RTTN: variants seen among roughly 807,000 people sequenced by gnomAD.
RTTN encodes the protein rotatin.
A neutral mutation model predicts 269.2 loss-of-function variants in RTTN; 182 were observed. The observed-to-expected ratio is 0.68, with a 90% confidence interval of 0.60 to 0.76. RTTN has a LOEUF of 0.76. Among genes scored for constraint, RTTN ranks in the 30% least tolerant of loss-of-function variants. RTTN has a pLI of 0.00. For synonymous variants in RTTN, 1,006 were observed against 963.5 expected (o/e 1.04, Z -0.82); for missense variants, 2,545 against 2,608.6 (o/e 0.98, Z 0.53).
intron 47 of RTTN, chr18:70,005,562 T>C (rs1174584870): frequency 7.9e-6 from 2 of 252,062 alleles, no homozygotes; most frequent in African/African-American, 2.2e-5. Context: ...AAACTAGTCA[T>C]CCTTGGTTTC....
chr18:70,085,498 T>C (rs1283298419), intron 32 of RTTN, among the ~76,000 whole-genome samples: 1 of 152,170 alleles, frequency 6.6e-6, no homozygotes, highest in Non-Finnish European at 1.5e-5. Context: ...TATAGTCTAA[T>C]TAAAACTTAA....
intron 26 of RTTN, among the ~76,000 whole-genome samples, chr18:70,117,086 T>A (rs1405582308): frequency 6.6e-6 from 1 of 152,026 alleles, no homozygotes; most frequent in African/African-American, 2.4e-5. Flanking sequence ...TGGAAAAAAA[T>A]TTCACAAGAG....
chr18:70,198,670 C>T (rs1169777024), intron 5 of RTTN, among the ~76,000 whole-genome samples: 2 of 152,166 alleles, frequency 1.3e-5, no homozygotes, highest in African/African-American at 2.4e-5. Flanking sequence ...AATCAATTAA[C>T]AGTCATTACA....
intron 10 of RTTN, among the ~76,000 whole-genome samples, chr18:70,183,875 C>T (rs992797721): frequency 1.3e-4 from 20 of 152,188 alleles, no homozygotes; most frequent in African/African-American, 3.9e-4. Context: ...TCGAGTGATC[C>T]TCCTGCCTCA....
Position 70,150,061 on chromosome 18 carries a change from C to T in RTTN, c.2082G>A (p.Leu694=), listed in dbSNP as rs1210162355. ...TCAATCGTCCCTGAAGCAGGTATAA[C>T]AGAATGGCCTTGGCAGCAGTGTTCA... is the stretch of plus-strand genomic sequence containing the variant. ...SEVNTAAKAI[L]LYLLQGRLMM... is the part of the protein sequence containing the mutation. Residue 694 remains leucine (L), a synonymous_variant, in exon 16 of 49, where the codon CTG becomes CTA. Coordinates refer to ENST00000640769, the MANE Select transcript of RTTN (RefSeq NM_173630.4). The T allele has an allele frequency of 6.2e-7, 1 of 1,613,220 alleles. No individual in the cohort carries two copies. Among genetic ancestry groups the T allele is most frequent in the East Asian group, 2.2e-5 (1 of 44,864 alleles).
intron 40 of RTTN, among the ~76,000 whole-genome samples, chr18:70,036,958 G>A (rs1568276822): frequency 6.6e-6 from 1 of 152,202 alleles, no homozygotes; most frequent in African/African-American, 2.4e-5. Context: ...GGTATGGCGA[G>A]CTAACTTGCA....
intron 14 of RTTN, among the ~76,000 whole-genome samples, chr18:70,160,530 A>C (rs2145863444): frequency 6.6e-6 from 1 of 152,042 alleles, no homozygotes; most frequent in South Asian, 2.1e-4. Context: ...AAAGATGCCA[A>C]CTCTCACCAC....
intron 40 of RTTN, among the ~76,000 whole-genome samples, chr18:70,041,291 G>A (rs762503895): frequency 3.5e-4 from 53 of 151,736 alleles, no homozygotes; most frequent in Non-Finnish European, 4.0e-4. Context: ...GGGTTGGGTC[G>A]GAGTTAAGAC....
At chr18:70,150,758 T>G (rs2060516429) in intron 14 of RTTN, 25 bp from the exon 15 acceptor site, 1 of 1,521,460 alleles carries the variant, frequency 6.6e-7, no homozygotes, top group Admixed American at 1.9e-5. Context: ...TAAAAAGTAT[T>G]TTTAAATTAG....
chr18:70,107,789 A>G (rs1217112289), intron 28 of RTTN, among the ~76,000 whole-genome samples: 1 of 152,228 alleles, frequency 6.6e-6, no homozygotes, highest in Non-Finnish European at 1.5e-5. Context: ...GAAAGGAATA[A>G]TTAATGTCTG....
At chr18:70,080,321 A>C (rs1297277355) in intron 32 of RTTN, among the ~76,000 whole-genome samples, 2 of 152,130 alleles carry the variant, frequency 1.3e-5, no homozygotes, top group Non-Finnish European at 2.9e-5. Context: ...ATGAAAAGAA[A>C]TCAGAGCCCT....
intron 19 of RTTN, among the ~76,000 whole-genome samples, chr18:70,141,583 T>C (rs1236754838): frequency 6.6e-6 from 1 of 152,018 alleles, no homozygotes; most frequent in Non-Finnish European, 1.5e-5. Flanking sequence ...TGAGATCACT[T>C]GGACACAGGG....
chr18:70,077,024 A>G lies in RTTN; in HGVS notation c.4375-1483T>C, dbSNP rs546206817. On this transcript the variant is annotated intron_variant, in intron 32 of 48. Coordinates refer to ENST00000640769, the MANE Select transcript of RTTN (RefSeq NM_173630.4). ...CAAGAGATTTGCAATAAACTGCTTA[A>G]CATCACAAATTAGAGTCCTCATTAT... Among the ~76,000 whole-genome samples the G allele has an allele frequency of 3.3e-5, 5 of 152,074 alleles. No homozygotes were observed. In the East Asian group the frequency reaches 9.6e-4, roughly 29 times the overall value.
intron 28 of RTTN, among the ~76,000 whole-genome samples, chr18:70,094,301 C>G (rs1241555086): frequency 1.3e-5 from 2 of 152,124 alleles, no homozygotes; most frequent in Non-Finnish European, 1.5e-5. Flanking sequence ...TTGTCGCCTT[C>G]AGTTCTGCTC....
intron 17 of RTTN, among the ~76,000 whole-genome samples, chr18:70,146,180 G>T (rs1282087471): frequency 6.6e-6 from 1 of 152,122 alleles, no homozygotes; most frequent in African/African-American, 2.4e-5. Flanking sequence ...GAACCCACAG[G>T]AGAGTAATGA....
At chr18:70,092,896 G>T in intron 28 of RTTN, 92 bp from the exon 29 acceptor site, 1 of 1,100,124 alleles carries the variant, frequency 9.1e-7, no homozygotes, top group Non-Finnish European at 1.2e-6. Flanking sequence ...TGTATGAATT[G>T]AATCCTTACC....
At chr18:70,088,827 TA>T (rs2058768255) in intron 30 of RTTN, among the ~76,000 whole-genome samples, 1 of 152,170 alleles carries the variant, frequency 6.6e-6, no homozygotes. Context: ...GTATTTCAAA[TA>T]TTTCTATAAA....
chr18:70,120,575 T>A (rs2059710545), intron 26 of RTTN, among the ~76,000 whole-genome samples: 1 of 152,210 alleles, frequency 6.6e-6, no homozygotes, highest in African/African-American at 2.4e-5. Context: ...AGTTTTGTTT[T>A]GTTTTTCTTC....
intron 27 of RTTN, among the ~76,000 whole-genome samples, chr18:70,110,231 C>CT (rs1256684470): frequency 1.1e-4 from 16 of 148,664 alleles, no homozygotes; most frequent in African/African-American, 3.7e-4. Flanking sequence ...ACCCCCATCC[C>CT]TTTTTAAAAA....
Sources: allele counts gnomAD v4.1 joint callset (sites outside exome capture counted in the v4.1 genomes callset), GRCh38; gene constraint gnomAD v4.1.1; transcripts MANE v1.5; gene names NCBI Gene and HGNC (gene_info 2026-07-23, HGNC 2026-07-21).